The following GABRA2 variants were observed in gnomAD, a reference collection of about 807,000 sequenced individuals.
GABRA2 encodes the protein gamma-aminobutyric acid type A receptor subunit alpha2.
Under a neutral mutation model 48.7 loss-of-function variants are expected in GABRA2, and 16 were observed. The ratio of observed to expected loss-of-function variants is 0.33; its 90% CI spans 0.22 to 0.50. GABRA2 has a LOEUF of 0.50. GABRA2 is among the 20% of genes least tolerant of loss of function. The probability of loss-of-function intolerance (pLI) is 0.98; values close to 1 mark genes in which losing one functional copy is unlikely to be tolerated. For synonymous variants in GABRA2, 185 were observed against 184.5 expected (o/e 1.00, Z -0.02); for missense variants, 275 against 535.6 (o/e 0.51, Z 4.80).
intron 4 of GABRA2, among the ~76,000 whole-genome samples, chr4:46,318,419 A>T (rs1728903105): frequency 6.6e-6 from 1 of 151,498 alleles, no homozygotes. Context: ...GGGAAAGAAG[A>T]CATTTCAATA....
chr4:46,291,932 C>A (rs192003705), intron 8 of GABRA2, among the ~76,000 whole-genome samples: 1 of 151,776 alleles, frequency 6.6e-6, no homozygotes, highest in Non-Finnish European at 1.5e-5. Context: ...CATTGGTTTT[C>A]GGATTTCTAG....
chr4:46,335,503 C>T (rs1160715721), intron 3 of GABRA2, among the ~76,000 whole-genome samples: 5 of 152,030 alleles, frequency 3.3e-5, no homozygotes, highest in African/African-American at 7.2e-5. Flanking sequence ...GATGGAATTT[C>T]GCTCTTATTG....
intron 8 of GABRA2, among the ~76,000 whole-genome samples, chr4:46,278,659 C>T (rs975839014): frequency 3.3e-5 from 5 of 152,032 alleles, no homozygotes; most frequent in African/African-American, 1.2e-4. Context: ...TGATCACATA[C>T]AATATATAGC....
intron 3 of GABRA2, among the ~76,000 whole-genome samples, chr4:46,383,614 T>C (rs534041857): frequency 6.6e-6 from 1 of 152,322 alleles, no homozygotes; most frequent in South Asian, 2.1e-4. Flanking sequence ...TCATATATGA[T>C]AGCACATAAT....
intron 3 of GABRA2, among the ~76,000 whole-genome samples, chr4:46,354,613 A>G (rs1254889455): frequency 1.3e-5 from 2 of 152,066 alleles, no homozygotes; most frequent in Non-Finnish European, 2.9e-5. Flanking sequence ...TTGACCTCCA[A>G]TTAACACAAA....
intron 3 of GABRA2, among the ~76,000 whole-genome samples, chr4:46,371,594 G>T (rs1369379236): frequency 7.1e-6 from 1 of 140,308 alleles, no homozygotes; most frequent in South Asian, 2.1e-4. Context: ...TATAGATATA[G>T]ATTTTTTTTA....
At position 46,275,235 on chromosome 4, in the gene GABRA2, T is replaced by C. The variant is rs78342762; in HGVS notation, c.857-13107A>G. 7.6e-3 allele frequency among the ~76,000 whole-genome samples: 1,154 copies of C among 152,238 alleles called. 38 individuals carry two copies. The East Asian group carries it at 0.094, about 12-fold the overall frequency. On this transcript the variant is annotated intron_variant, in intron 8 of 9. Coordinates refer to ENST00000381620, the MANE Select transcript of GABRA2 (RefSeq NM_000807.4). Reference sequence around the variant, plus strand: ...TTTAAAAGGATATGATTCAGATCCTTAATTAGGCATAATTTGATAGTGATG... The same window carrying C: ...TTTAAAAGGATATGATTCAGATCCTCAATTAGGCATAATTTGATAGTGATG...
At chr4:46,290,060 C>A (rs894583423) in intron 8 of GABRA2, among the ~76,000 whole-genome samples, 1 of 149,590 alleles carries the variant, frequency 6.7e-6, no homozygotes, top group African/African-American at 2.4e-5. Flanking sequence ...TACAGGCGCC[C>A]GCCACCGTGC....
intron 8 of GABRA2, among the ~76,000 whole-genome samples, chr4:46,302,335 C>A (rs559760598): frequency 6.6e-6 from 1 of 152,106 alleles, no homozygotes; most frequent in Non-Finnish European, 1.5e-5. Context: ...GCTAGGACTA[C>A]AGGCATGAGG....
rs189303799 is a variant in GABRA2 at position 46,280,410 on chromosome 4, T to C, written c.857-18282A>G. On this transcript the variant is annotated intron_variant, in intron 8 of 9. Coordinates refer to ENST00000381620, the MANE Select transcript of GABRA2 (RefSeq NM_000807.4). ...AATAAAAGAAGGCCAGTGTGGATGT[T>C]AGGGAAAGAGCAAGGGATAGGAAGG... 3.5e-4 allele frequency among the ~76,000 whole-genome samples: 54 copies of C among 152,146 alleles called. No individual in the cohort carries two copies. In the Middle Eastern group the frequency reaches 0.014, roughly 38 times the overall value.
Position 46,250,073 on chromosome 4 carries a change from C to A in GABRA2, c.*235G>T. ...ACTTGAAATTCACTTTAAATCAGGT[C>A]CTAGGGTAAATCTTTAAAAAAGGCA... On this transcript the variant is annotated 3_prime_UTR_variant, in exon 10 of 10. Transcript: ENST00000381620. 1 of 447,610 alleles carries A rather than the reference C, an allele frequency of 2.2e-6. No homozygotes were observed. Among genetic ancestry groups the A allele is most frequent in the Admixed American group, 3.9e-5 (1 of 25,908 alleles). The allele number at this position is 447,610 out of a possible 1,614,324, so 27.7% of individuals were successfully genotyped here.
intron 8 of GABRA2, among the ~76,000 whole-genome samples, chr4:46,293,530 G>A (rs1029331618): frequency 2.0e-5 from 3 of 152,130 alleles, no homozygotes; most frequent in African/African-American, 7.2e-5. Flanking sequence ...GGAATTAATG[G>A]AGTTTTAACT....
chr4:46,291,813 A>C (rs1310176093), intron 8 of GABRA2, among the ~76,000 whole-genome samples: 3 of 150,538 alleles, frequency 2.0e-5, no homozygotes, highest in Non-Finnish European at 4.4e-5. Flanking sequence ...ATATGTGTAT[A>C]TATATATCAT....
chr4:46,324,875 ATGT>A (rs771547545), intron 4 of GABRA2, among the ~76,000 whole-genome samples: 52 of 152,080 alleles, frequency 3.4e-4, no homozygotes, highest in Middle Eastern at 3.4e-3. Flanking sequence ...AGCTGCATCC[ATGT>A]TACTGCAAAG....
At chr4:46,283,202 G>A (rs1721868133) in intron 8 of GABRA2, among the ~76,000 whole-genome samples, 1 of 152,128 alleles carries the variant, frequency 6.6e-6, no homozygotes, top group African/African-American at 2.4e-5. Flanking sequence ...CTAGGCTAAT[G>A]ACACACAGAA....
At position 46,256,135 on chromosome 4, in the gene GABRA2, T is replaced by A. The variant is rs529228202; in HGVS notation, c.1060-5531A>T. 2,527 of 459,980 alleles carry A rather than the reference T, an allele frequency of 5.5e-3. 18 individuals carry two copies. The highest frequency in any genetic ancestry group is 7.8e-3 in the Non-Finnish European group (1,991 of 256,780). 28.5% of individuals were successfully genotyped at this position (459,980 alleles called of 1,614,324 possible). On this transcript the variant is annotated intron_variant, in intron 9 of 9. Transcript: ENST00000381620. ...TGTAAAATAACAACGTGCTCATTGG[T>A]CAGATAATGCTATTGTTAACTGTCT... is the stretch of plus-strand genomic sequence containing the variant.
intron 3 of GABRA2, among the ~76,000 whole-genome samples, chr4:46,359,604 G>A (rs2109950715): frequency 6.6e-6 from 1 of 152,142 alleles, no homozygotes; most frequent in South Asian, 2.1e-4. Context: ...TTACCTTCAA[G>A]AGAGAAGGTA....
Position 46,243,733 on chromosome 4 carries a change from AC to A in GABRA2, c.*6574del, listed in dbSNP as rs1204478828. On this transcript the variant is annotated 3_prime_UTR_variant, in exon 10 of 10. Transcript: ENST00000381620. ...ATTAGTTCTTGAGTTATTTTCATGA[AC>A]CAGAAAACCTACCAATAAGTATACT... The A allele has an allele frequency of 6.6e-6, 1 of 151,438 alleles. No individual in the cohort carries two copies. The highest frequency in any genetic ancestry group is 6.6e-5 in the Admixed American group (1 of 15,140). 9.4% of individuals were successfully genotyped at this position (151,438 alleles called of 1,614,324 possible).
At chr4:46,302,742 T>A (rs1012872269) in intron 8 of GABRA2, 2 of 152,246 alleles carry the variant, frequency 1.3e-5, no homozygotes, top group African/African-American at 4.8e-5. Context: ...CCATACCTTT[T>A]TCCACCTGTT....
Sources: allele counts gnomAD v4.1 joint callset (sites outside exome capture counted in the v4.1 genomes callset), GRCh38; gene constraint gnomAD v4.1.1; transcripts MANE v1.5; gene names NCBI Gene and HGNC (gene_info 2026-07-23, HGNC 2026-07-21).